Variants in CFTR observed in about 807,000 individuals in gnomAD.
The protein encoded by CFTR is CF transmembrane conductance regulator.
A neutral mutation model predicts 171.6 loss-of-function variants in CFTR; 181 were observed. The observed-to-expected ratio is 1.05, with a 90% CI of 0.93 to 1.19. CFTR has a LOEUF of 1.19. CFTR is among the 50% of genes most tolerant of loss of function. The pLI is 0.00. For missense variants in CFTR, 1,968 were observed against 1,734.7 expected (o/e 1.13, Z -2.39); for synonymous variants, 583 against 608.0 (o/e 0.96, Z 0.60).
chr7:117,540,412 T>A lies in CFTR; in HGVS notation c.1116+66T>A, dbSNP rs1323619907. ...TAATCAGTCAATAGATCAGTTCTAA[T>A]GAACTTTGCAAAAATGTGCGAAAAG... is the stretch of plus-strand genomic sequence containing the variant. On this transcript the variant is annotated intron_variant, in intron 8 of 26. Coordinates refer to ENST00000003084, the MANE Select transcript of CFTR (RefSeq NM_000492.4). The A allele has an allele frequency of 4.8e-6, 7 of 1,471,024 alleles. No individual in the cohort carries two copies. In the East Asian group the frequency reaches 1.4e-4, roughly 29 times the overall value. 91.1% of individuals were successfully genotyped at this position (1,471,024 alleles called of 1,614,324 possible).
chr7:117,502,962 G>A (rs1798355893), intron 1 of CFTR, among the ~76,000 whole-genome samples: 2 of 152,128 alleles, frequency 1.3e-5, no homozygotes, highest in African/African-American at 4.8e-5. Flanking sequence ...TAGAGATATC[G>A]AGAACCCAGG....
chr7:117,657,925 T>G (rs1303716322), intron 24 of CFTR, among the ~76,000 whole-genome samples: 1 of 152,168 alleles, frequency 6.6e-6, no homozygotes, highest in African/African-American at 2.4e-5. Flanking sequence ...TGATCTGGAC[T>G]GTATCTCATG....
chr7:117,548,551 G>A (rs1799204559), intron 9 of CFTR, 90 bp from the exon 10 acceptor site: 1 of 1,547,850 alleles, frequency 6.5e-7, no homozygotes, highest in Non-Finnish European at 8.7e-7. Context: ...CAAACTAATT[G>A]TACATAAAAC....
At chr7:117,536,830 A>T (rs1798967621) in intron 7 of CFTR, among the ~76,000 whole-genome samples, 157 bp downstream of exon 7, 1 of 152,114 alleles carries the variant, frequency 6.6e-6, no homozygotes, top group Non-Finnish European at 1.5e-5. Flanking sequence ...AGTTGCACAA[A>T]TTCACTTTCA....
chr7:117,481,572 A>G (rs936115576), intron 1 of CFTR, among the ~76,000 whole-genome samples: 7 of 152,202 alleles, frequency 4.6e-5, no homozygotes, highest in African/African-American at 1.2e-4. Flanking sequence ...AAAAAATGCT[A>G]TCAGGCTGGT....
intron 11 of CFTR, among the ~76,000 whole-genome samples, chr7:117,561,380 A>G (rs1006828525): frequency 4.6e-5 from 7 of 151,950 alleles, no homozygotes; most frequent in African/African-American, 1.4e-4. Context: ...TTTTTTTAGC[A>G]TATTCACAGG....
intron 24 of CFTR, among the ~76,000 whole-genome samples, chr7:117,653,225 A>G (rs1171198536): frequency 4.6e-5 from 7 of 152,182 alleles, no homozygotes; most frequent in Non-Finnish European, 8.8e-5. Flanking sequence ...GAGTACCCTA[A>G]AATACCTGGC....
intron 2 of CFTR, among the ~76,000 whole-genome samples, chr7:117,508,621 G>C (rs1798460624): frequency 1.3e-5 from 2 of 152,162 alleles, no homozygotes; most frequent in South Asian, 4.1e-4. Context: ...TTATAAATCT[G>C]CCACAGTTCT....
chr7:117,548,524 A>G, intron 9 of CFTR, 117 bp from the exon 10 acceptor site: 1 of 1,532,080 alleles, frequency 6.5e-7, no homozygotes, highest in Non-Finnish European at 8.8e-7. Flanking sequence ...GTAATGGATC[A>G]TGGGCCATGT....
At chr7:117,648,793 T>G (rs1173763756) in intron 23 of CFTR, among the ~76,000 whole-genome samples, 1 of 152,104 alleles carries the variant, frequency 6.6e-6, no homozygotes, top group Non-Finnish European at 1.5e-5. Flanking sequence ...AGACACCCAC[T>G]GGCACCCCTG....
At chr7:117,480,713 A>G (rs1797989031) in intron 1 of CFTR, among the ~76,000 whole-genome samples, 1 of 152,334 alleles carries the variant, frequency 6.6e-6, no homozygotes, top group East Asian at 1.9e-4. Context: ...AATTTGTTGA[A>G]ATATTTATTT....
intron 18 of CFTR, among the ~76,000 whole-genome samples, chr7:117,608,578 T>C (rs1792336916): frequency 6.6e-6 from 1 of 152,198 alleles, no homozygotes; most frequent in Admixed American, 6.5e-5. Flanking sequence ...AGAGGTCTTT[T>C]ATATTAATTT....
intron 11 of CFTR, among the ~76,000 whole-genome samples, chr7:117,569,277 A>G (rs1327749336): frequency 6.6e-6 from 1 of 152,098 alleles, no homozygotes; most frequent in African/African-American, 2.4e-5. Flanking sequence ...CAGGAGGGAA[A>G]ACTTTCAAGA....
At chr7:117,613,237 A>G (rs972116106) in intron 20 of CFTR, among the ~76,000 whole-genome samples, 1 of 152,224 alleles carries the variant, frequency 6.6e-6, no homozygotes, top group Admixed American at 6.5e-5. Flanking sequence ...TCAAACCAAT[A>G]TAACACATGC....
intron 1 of CFTR, among the ~76,000 whole-genome samples, chr7:117,489,668 C>A (rs1055748368): frequency 1.3e-4 from 19 of 151,644 alleles, no homozygotes; most frequent in African/African-American, 4.1e-4. Context: ...AATAACAGAT[C>A]ATAACAGGTT....
At chr7:117,508,916 A>G in intron 2 of CFTR, 118 bp from the exon 3 acceptor site, 2 of 746,434 alleles carry the variant, frequency 2.7e-6, no homozygotes, top group South Asian at 2.9e-5. Flanking sequence ...TTGTCTCTAT[A>G]ATACTTGGGT....
intron 3 of CFTR, among the ~76,000 whole-genome samples, chr7:117,519,389 C>T (rs1215895556): frequency 1.3e-5 from 2 of 152,060 alleles, no homozygotes; most frequent in Non-Finnish European, 2.9e-5. Flanking sequence ...TTGACACTCA[C>T]TTTTACCCTG....
At chr7:117,529,231 T>C (rs1798813217) in intron 3 of CFTR, among the ~76,000 whole-genome samples, 1 of 96,802 alleles carries the variant, frequency 1.0e-5, no homozygotes, top group Non-Finnish European at 1.8e-5. Flanking sequence ...ATGGATGAAA[T>C]TGGAAACCAT....
At chr7:117,554,403 G>T in intron 10 of CFTR, among the ~76,000 whole-genome samples, 1 of 152,184 alleles carries the variant, frequency 6.6e-6, no homozygotes, top group East Asian at 1.9e-4. Context: ...GTAACTGGAA[G>T]GATAAATGTG....
Sources: allele counts gnomAD v4.1 joint callset (sites outside exome capture counted in the v4.1 genomes callset), GRCh38; gene constraint gnomAD v4.1.1; transcripts MANE v1.5; gene names NCBI Gene and HGNC (gene_info 2026-07-23, HGNC 2026-07-21).